MORN1: variants seen among roughly 807,000 people sequenced by gnomAD.
The protein encoded by MORN1 is MORN repeat-containing protein 1.
MORN1 carries 67 observed loss-of-function variants against 61.9 expected under a neutral mutation model. That is an observed-to-expected ratio of 1.08 (90% CI 0.89 to 1.33). MORN1 has a LOEUF of 1.33. Ranked by LOEUF, MORN1 falls within the 40% of genes most tolerant of loss-of-function variation. The pLI, the probability that MORN1 is intolerant of heterozygous loss-of-function variation, is 0.00. For synonymous variants in MORN1, 301 were observed against 292.0 expected (o/e 1.03, Z -0.31); for missense variants, 752 against 691.2 (o/e 1.09, Z -0.99).
intron 10 of MORN1, among the ~76,000 whole-genome samples, chr1:2,341,393 T>C (rs759647544): frequency 6.6e-6 from 1 of 151,666 alleles, no homozygotes; most frequent in Non-Finnish European, 1.5e-5. Flanking sequence ...GCCAAACCAC[T>C]GAAAAGAAAA....
At chr1:2,351,902 A>G (rs1040007537) in intron 10 of MORN1, 5 of 496,240 alleles carry the variant, frequency 1.0e-5, no homozygotes, top group African/African-American at 1.0e-4. Context: ...TTAAACTTGG[A>G]GCTTCTGAAC....
chr1:2,325,598 T>A (rs1170274292), intron 12 of MORN1, among the ~76,000 whole-genome samples: 1 of 147,566 alleles, frequency 6.8e-6, no homozygotes, highest in Non-Finnish European at 1.5e-5. Flanking sequence ...TCCTTCCACC[T>A]CCGCCTCCCA....
intron 1 of MORN1, 42 bp downstream of exon 1, chr1:2,391,416 C>T (rs945027228): frequency 2.4e-6 from 3 of 1,254,358 alleles, no homozygotes; most frequent in Non-Finnish European, 3.0e-6. Context: ...TGAATGGAGC[C>T]CAGGGCAGCC....
intron 13 of MORN1, chr1:2,323,516 C>T (rs1269408742): frequency 1.0e-6 from 1 of 985,282 alleles, no homozygotes; most frequent in Non-Finnish European, 1.2e-6. Flanking sequence ...AGCTGAGGTG[C>T]CCTGGCATTC....
At chr1:2,388,532 G>A (rs1426952377) in intron 2 of MORN1, 195 bp from the exon 3 acceptor site, 6 of 544,192 alleles carry the variant, frequency 1.1e-5, no homozygotes, top group African/African-American at 7.7e-5. Context: ...ACGCTTGAGC[G>A]GCCGGCGCCT....
chr1:2,390,492 C>T, intron 1 of MORN1: 1 of 985,438 alleles, frequency 1.0e-6, no homozygotes, highest in South Asian at 4.7e-5. Context: ...GGCTTCATCT[C>T]CTCCTAGTTG....
At chr1:2,335,351 A>T (rs1641242375) in intron 12 of MORN1, among the ~76,000 whole-genome samples, 1 of 152,006 alleles carries the variant, frequency 6.6e-6, no homozygotes, top group Admixed American at 6.5e-5. Context: ...GCCCCGGCAC[A>T]CTCACACTCA....
intron 10 of MORN1, among the ~76,000 whole-genome samples, chr1:2,349,858 T>C (rs535181786): frequency 2.0e-5 from 3 of 152,306 alleles, no homozygotes; most frequent in East Asian, 1.9e-4. Context: ...CTCAGATCCG[T>C]TGAAAATATT....
intron 8 of MORN1, among the ~76,000 whole-genome samples, chr1:2,368,755 T>C (rs1642047102): frequency 6.6e-6 from 1 of 152,224 alleles, no homozygotes; most frequent in South Asian, 2.1e-4. Context: ...CCCACAAAGA[T>C]GGCTACATCC....
Position 2,337,247 on chromosome 1 carries a change from C to T in MORN1, c.1037-397G>A, listed in dbSNP as rs1641301263. On this transcript the variant is annotated intron_variant, in intron 10 of 13. Transcript: ENST00000378531. The surrounding 1 kb of genome is among the most constrained non-coding windows in gnomAD (Gnocchi z 5.7). Reference sequence around the variant, plus strand: ...GCGCTCAACAGTACAGCTGTGTGCCCTCCTCGGAGCGCAGCATGAGGAGGA... The same window carrying T: ...GCGCTCAACAGTACAGCTGTGTGCCTTCCTCGGAGCGCAGCATGAGGAGGA... 6.6e-6 allele frequency among the ~76,000 whole-genome samples: 1 copy of T among 152,198 alleles called. No homozygotes were observed. The highest frequency in any genetic ancestry group is 2.1e-4 in the South Asian group (1 of 4,834).
intron 8 of MORN1, among the ~76,000 whole-genome samples, chr1:2,364,615 T>A (rs1165610734): frequency 6.6e-6 from 1 of 151,068 alleles, no homozygotes; most frequent in African/African-American, 2.4e-5. Context: ...TTTCGGTGTT[T>A]TAGACATGAA....
chr1:2,325,107 T>TC (rs1640977710), intron 12 of MORN1, among the ~76,000 whole-genome samples: 1 of 98,548 alleles, frequency 1.0e-5, no homozygotes, highest in East Asian at 3.4e-4. Flanking sequence ...CTCTCCCCTT[T>TC]CCTTCCCTTC....
At chr1:2,364,919 T>C (rs1641967973) in intron 8 of MORN1, among the ~76,000 whole-genome samples, 2 of 152,188 alleles carry the variant, frequency 1.3e-5, no homozygotes, top group Admixed American at 1.3e-4. Context: ...CATTGATCTA[T>C]ATTTCTGTTT....
chr1:2,365,343 C>T (rs1327722085), intron 8 of MORN1, among the ~76,000 whole-genome samples: 2 of 143,156 alleles, frequency 1.4e-5, no homozygotes, highest in African/African-American at 5.1e-5. Context: ...GGAGTTCACT[C>T]ATGATTTGGC....
At chr1:2,321,600 G>C (rs1302660709) in intron 13 of MORN1, 21 bp from the exon 14 acceptor site, 1 of 1,460,918 alleles carries the variant, frequency 6.8e-7, no homozygotes, top group African/African-American at 1.4e-5. Flanking sequence ...CGGGTGGGCT[G>C]GTCCTCAGCA....
rs548493651 is a variant in MORN1, at chr1:2,326,019, C to A, written c.1251-1876G>T. Among the ~76,000 whole-genome samples, 370 of 152,270 alleles carry A rather than the reference C, an allele frequency of 2.4e-3. 1 individual carries two copies. Among genetic ancestry groups the A allele is most frequent in the Middle Eastern group, 0.014 (4 of 294 alleles). On this transcript the variant is annotated intron_variant, in intron 12 of 13. Coordinates refer to ENST00000378531, the MANE Select transcript of MORN1 (RefSeq NM_024848.3). ...GGCCTGGGGAGGCCTGCTGGGCTGG[C>A]ACCCTCCCGCGGCCTCCTCCCGCCG...
rs1046445483 is a variant in MORN1, at chr1:2,357,152, A to G, written c.1036+280T>C. On this transcript the variant is annotated intron_variant, in intron 10 of 13. Transcript: ENST00000378531. This position sits in a 1 kb window ranked among gnomAD's most constrained non-coding sequence, Gnocchi z 6.3. ...TGGGTGAGTCTGCTGCCCTCAGCCA[A>G]GTAGACCCAGAACTCTGCCCTGAGG... Among the ~76,000 whole-genome samples the G allele has an allele frequency of 3.3e-5, 5 of 152,128 alleles. No individual in the cohort carries two copies. The highest frequency in any genetic ancestry group is 1.2e-4 in the African/African-American group (5 of 41,444).
At position 2,321,480 on chromosome 1, in the gene MORN1, G is replaced by T. The variant is rs1480007704; in HGVS notation, c.1397C>A (p.Ala466Asp). ...TTCCAGGACATGGGGTGGCTGGCCA[G>T]CCCTCTTCGCTACGACCCGCAGGTG... ...FKHLRVVAKRAGQPPHVLEEG... is the reference protein window; with the variant it reads ...FKHLRVVAKRDGQPPHVLEEG... Residue 466 changes from alanine to aspartate, a missense_variant, in exon 14 of 14, where the codon GCT becomes GAT. Transcript: ENST00000378531. The T allele has an allele frequency of 3.3e-6, 5 of 1,529,078 alleles. No individual in the cohort carries two copies. The highest frequency in any genetic ancestry group is 4.4e-6 in the Non-Finnish European group (5 of 1,137,766). 94.7% of individuals were successfully genotyped at this position (1,529,078 alleles called of 1,614,324 possible).
intron 10 of MORN1, chr1:2,350,803 T>A (rs1641628125): frequency 6.6e-6 from 1 of 152,272 alleles, no homozygotes; most frequent in Non-Finnish European, 1.5e-5. Context: ...CAGGTGTTTA[T>A]CCGCCCCCGG....
Sources: gnomAD v4.1 joint callset for allele counts (sites outside exome capture counted in the v4.1 genomes callset) on GRCh38, gnomAD v4.1.1 for gene constraint, Gnocchi (gnomAD v3.1) non-coding constraint, MANE v1.5 for transcripts, NCBI Gene and HGNC (gene_info 2026-07-23, HGNC 2026-07-21) for gene names.